Variants in TAPBPL observed in about 807,000 individuals in gnomAD.
TAPBPL encodes the protein tapasin-related protein.
In TAPBPL, 32 loss-of-function variants were observed where a neutral mutation model predicts 44.8. The observed-to-expected ratio is 0.71, with a 90% CI of 0.54 to 0.96. The LOEUF is 0.96. Among genes scored for constraint, TAPBPL ranks in the 40% least tolerant of loss-of-function variants. The probability of loss-of-function intolerance (pLI) is 0.00; values close to 1 mark genes in which losing one functional copy is unlikely to be tolerated. For synonymous variants in TAPBPL, 230 were observed against 240.7 expected, an observed-to-expected ratio of 0.96 and a Z score of 0.41; for missense variants, 520 against 586.6, an observed-to-expected ratio of 0.89 and a Z score of 1.17.
At position 6,461,111 on chromosome 12, in the gene TAPBPL, C is replaced by T. The variant is rs892100493; in HGVS notation, c.1291+173C>T. 1.7e-5 allele frequency: 24 copies of T among 1,428,798 alleles called. No homozygotes were observed. In the East Asian group the frequency reaches 1.8e-4, roughly 11 times the overall value. 88.5% of individuals were successfully genotyped at this position (1,428,798 alleles called of 1,614,324 possible). ...GAAAATGAAACCAGTCGTGTTCCCTCGTTTTCTCCTAGCTACCTCACTAAA... is the reference window on the plus strand; with the variant it reads ...GAAAATGAAACCAGTCGTGTTCCCTTGTTTTCTCCTAGCTACCTCACTAAA... On this transcript the variant is annotated intron_variant, in intron 6 of 6. Coordinates refer to ENST00000266556, the MANE Select transcript of TAPBPL (RefSeq NM_018009.5).
chr12:6,458,624 T>C (rs1949764114), intron 4 of TAPBPL, 21 bp from the exon 5 acceptor site: 1 of 1,610,996 alleles, frequency 6.2e-7, no homozygotes, highest in Admixed American at 1.7e-5. Flanking sequence ...TGTGTAATCT[T>C]ATTCCTCATT....
At chr12:6,463,236 G>A, downstream of TAPBPL, 1 of 1,394,654 alleles carries the variant, frequency 7.2e-7, no homozygotes, top group South Asian at 1.6e-5. This position sits in a 1 kb window ranked among gnomAD's most constrained non-coding sequence, Gnocchi z 4.0. Context: ...TATACTACAG[G>A]AAGAACAGAG....
At chr12:6,466,048 G>C (rs544814597), downstream of TAPBPL, 9 of 1,613,114 alleles carry the variant, frequency 5.6e-6, no homozygotes, top group Admixed American at 1.2e-4. Flanking sequence ...GCCAGAGACA[G>C]AGGAAAGGAC....
downstream of TAPBPL, chr12:6,466,045 A>C: frequency 6.2e-7 from 1 of 1,613,298 alleles, no homozygotes; most frequent in Non-Finnish European, 8.5e-7. Context: ...CCTGCCAGAG[A>C]CAGAGGAAAG....
intron 5 of TAPBPL, among the ~76,000 whole-genome samples, chr12:6,459,244 A>T (rs564789052): frequency 6.6e-6 from 1 of 152,328 alleles, no homozygotes; most frequent in Admixed American, 6.5e-5. Flanking sequence ...CCAGTAATAG[A>T]GACAAGACTA....
chr12:6,470,425 G>A (rs539977418), downstream of TAPBPL: 13 of 1,552,122 alleles, frequency 8.4e-6, no homozygotes, highest in African/African-American at 1.4e-5. Context: ...AGTTCCCCGC[G>A]TTGCTGCAGC....
chr12:6,465,135 G>T (rs1017101), downstream of TAPBPL: 196,597 of 709,726 alleles, frequency 0.28, 29,574 homozygotes, highest in East Asian at 0.35. Context: ...CAGTATGTCT[G>T]TAGCTTTTCA....
downstream of TAPBPL, chr12:6,465,380 ATAT>A (rs2137005434): frequency 1.0e-5 from 1 of 97,772 alleles, no homozygotes; most frequent in African/African-American, 4.0e-5. Context: ...ATAAATGTAT[ATAT>A]ATGTATATAT....
chr12:6,454,091 CAGA>C (rs1465197508), intron 3 of TAPBPL, among the ~76,000 whole-genome samples: 1 of 152,020 alleles, frequency 6.6e-6, no homozygotes, highest in African/African-American at 2.4e-5. Flanking sequence ...ATATGGGGCA[CAGA>C]AGAAGAAAGG....
At position 6,453,855 on chromosome 12, in the gene TAPBPL, T is replaced by C; in HGVS notation, c.565+139T>C. ...CAACACGGTGAAACCCCGTCTCTAC[T>C]AATACCAAAATTAGCCGGGCATGGT... On this transcript the variant is annotated intron_variant, in intron 3 of 6. Transcript: ENST00000266556. This position sits in a 1 kb window ranked among gnomAD's most constrained non-coding sequence, Gnocchi z 4.8. 1 of 1,173,062 alleles carries C rather than the reference T, an allele frequency of 8.5e-7. No individual in the cohort carries two copies. The highest frequency in any genetic ancestry group is 3.0e-5 in the Admixed American group (1 of 33,662). 72.7% of individuals were successfully genotyped at this position (1,173,062 alleles called of 1,614,324 possible). A position where few individuals can be genotyped will look rare whatever the true frequency, so the allele number is the denominator to read the frequency against.
downstream of TAPBPL, among the ~76,000 whole-genome samples, chr12:6,467,713 G>A: frequency 6.6e-6 from 1 of 152,222 alleles, no homozygotes; most frequent in South Asian, 2.1e-4. Flanking sequence ...TCCCATCACA[G>A]GCCTGGAGGC....
Position 6,455,624 on chromosome 12 carries a change from TATG to T in TAPBPL, c.566-1779_566-1777del, listed in dbSNP as rs200234431. Among the ~76,000 whole-genome samples, 709 of 152,240 alleles carry T rather than the reference TATG, an allele frequency of 4.7e-3. 5 individuals are homozygous for T. The highest frequency in any genetic ancestry group is 3.4e-3 in the Middle Eastern group (1 of 294). On this transcript the variant is annotated intron_variant, in intron 3 of 6. Transcript: ENST00000266556. ...ATACTTTTAGATATTTTTTAATTGA[TATG>T]ATAATAGTCTCAACTATAAAGTCCA...
At position 6,458,847 on chromosome 12, in the gene TAPBPL, C is replaced by G. The variant is rs749295361; in HGVS notation, c.1107C>G (p.Leu369=). ...GCACCTACAGCATCTCCTCCTCTCTCACCGCAGAACCTGGCTCTGCAGGTG... is the reference window on the plus strand; with the variant it reads ...GCACCTACAGCATCTCCTCCTCTCTGACCGCAGAACCTGGCTCTGCAGGTG... ...VAGTYSISSS[L]TAEPGSAGAT... Residue 369 remains leucine, a synonymous_variant, in exon 5 of 7, where the codon CTC becomes CTG. Transcript: ENST00000266556. The G allele has an allele frequency of 6.2e-7, 1 of 1,614,196 alleles. No individual in the cohort carries two copies. Among genetic ancestry groups the G allele is most frequent in the Non-Finnish European group, 8.5e-7 (1 of 1,180,046 alleles).
Position 6,453,002 on chromosome 12 carries a change from G to T in TAPBPL, c.65-65G>T. On this transcript the variant is annotated intron_variant, in intron 1 of 6. Transcript: ENST00000266556. This position sits in a 1 kb window ranked among gnomAD's most constrained non-coding sequence, Gnocchi z 4.8. ...GATGACTCCACAGCTTGAGGGCGGG[G>T]GCAGGAAGCAAGTGTGGAGTAGCTT... 1.4e-6 allele frequency: 2 copies of T among 1,466,776 alleles called. No homozygotes were observed. Among genetic ancestry groups the T allele is most frequent in the Non-Finnish European group, 1.8e-6 (2 of 1,084,308 alleles). 90.9% of individuals were successfully genotyped at this position (1,466,776 alleles called of 1,614,324 possible).
chr12:6,468,222 C>A (rs1220997585), downstream of TAPBPL, among the ~76,000 whole-genome samples: 1 of 152,232 alleles, frequency 6.6e-6, no homozygotes, highest in Non-Finnish European at 1.5e-5. Context: ...GTGAAGGGAG[C>A]CAGGAGGGAG....
downstream of TAPBPL, chr12:6,470,698 C>T: frequency 1.2e-6 from 1 of 840,850 alleles, no homozygotes; most frequent in Non-Finnish European, 1.9e-6. Context: ...CGCCGGCCTC[C>T]GCCTTTATTA....
At chr12:6,467,364 T>TA (rs1224383828), downstream of TAPBPL, among the ~76,000 whole-genome samples, 1 of 152,154 alleles carries the variant, frequency 6.6e-6, no homozygotes, top group Non-Finnish European at 1.5e-5. Context: ...AAAATGCTGT[T>TA]AGTGATATGA....
downstream of TAPBPL, chr12:6,463,300 C>G: frequency 8.1e-7 from 1 of 1,236,650 alleles, no homozygotes; most frequent in South Asian, 2.0e-5. This position sits in a 1 kb window ranked among gnomAD's most constrained non-coding sequence, Gnocchi z 4.0. Context: ...ACAAGCACAC[C>G]TGACACAGGC....
chr12:6,463,210 G>A, downstream of TAPBPL: 1 of 1,431,280 alleles, frequency 7.0e-7, no homozygotes, highest in Non-Finnish European at 9.1e-7. This position sits in a 1 kb window ranked among gnomAD's most constrained non-coding sequence, Gnocchi z 4.0. Context: ...ACAGGAAAGG[G>A]TGGTTCAAAG....
Sources: allele counts gnomAD v4.1 joint callset (sites outside exome capture counted in the v4.1 genomes callset), GRCh38; gene constraint gnomAD v4.1.1; non-coding constraint Gnocchi (gnomAD v3.1); transcripts MANE v1.5; gene names NCBI Gene and HGNC (gene_info 2026-07-23, HGNC 2026-07-21).